ZNF277: variants seen among roughly 807,000 people sequenced by gnomAD.
The protein encoded by ZNF277 is zinc finger protein 277.
ZNF277 carries 55 observed loss-of-function variants against 60.7 expected under a neutral mutation model. The ratio of observed to expected loss-of-function variants is 0.91; its 90% CI spans 0.73 to 1.13. The LOEUF (loss-of-function observed/expected upper bound fraction) is 1.13, where lower values mean the gene tolerates loss of function less well. Among genes scored for constraint, ZNF277 ranks in the 50% most tolerant of loss-of-function variants. The pLI, the probability that ZNF277 is intolerant of heterozygous loss-of-function variation, is 0.00. For synonymous variants in ZNF277, 178 were observed against 179.3 expected (o/e 0.99, Z 0.06); for missense variants, 510 against 523.0 (o/e 0.98, Z 0.24).
At chr7:112,338,046 C>T (rs1031657196) in intron 9 of ZNF277, among the ~76,000 whole-genome samples, 7 of 152,222 alleles carry the variant, frequency 4.6e-5, no homozygotes, top group African/African-American at 1.7e-4. Context: ...TCTCAGACCA[C>T]TGATGCCATC....
chr7:112,293,450 G>A (rs10244575), intron 2 of ZNF277, among the ~76,000 whole-genome samples: 8,947 of 151,784 alleles, frequency 0.059, 700 homozygotes, highest in African/African-American at 0.18. Context: ...ATGGTGGTGC[G>A]TGCCTATAGT....
intron 1 of ZNF277, among the ~76,000 whole-genome samples, chr7:112,208,927 T>C (rs1427594291): frequency 6.6e-6 from 1 of 152,016 alleles, no homozygotes; most frequent in Admixed American, 6.6e-5. Flanking sequence ...GATCCGCCCG[T>C]CTCGGCCTCC....
intron 1 of ZNF277, among the ~76,000 whole-genome samples, chr7:112,216,934 G>C (rs137889289): frequency 6.6e-6 from 1 of 152,158 alleles, no homozygotes; most frequent in Non-Finnish European, 1.5e-5. Context: ...TTGATTATTA[G>C]GATGCATCCT....
chr7:112,282,356 G>A (rs1791966092), intron 1 of ZNF277, among the ~76,000 whole-genome samples: 1 of 152,142 alleles, frequency 6.6e-6, no homozygotes, highest in Non-Finnish European at 1.5e-5. Context: ...CTTATGTATC[G>A]GACATAAGAG....
At chr7:112,267,514 A>G (rs1791574623) in intron 1 of ZNF277, among the ~76,000 whole-genome samples, 1 of 152,234 alleles carries the variant, frequency 6.6e-6, no homozygotes, top group Non-Finnish European at 1.5e-5. Flanking sequence ...CAGAATTGAG[A>G]ATGAGAAAAG....
rs1277393779 is a variant in ZNF277 at position 112,343,627 on chromosome 7, A to G, written c.*898A>G. On this transcript the variant is annotated 3_prime_UTR_variant, in exon 12 of 12. Coordinates refer to ENST00000361822, the MANE Select transcript of ZNF277 (RefSeq NM_021994.3). ...CATAATTTGGATATAATGAAGAAAC[A>G]GTCAAATCCAAGTTTGAGGCTGGGC... Among the ~76,000 whole-genome samples, 1 of 152,182 alleles carries G rather than the reference A, an allele frequency of 6.6e-6. No individual in the cohort carries two copies. Among genetic ancestry groups the G allele is most frequent in the African/African-American group, 2.4e-5 (1 of 41,448 alleles).
At chr7:112,307,439 A>G (rs1584397169) in intron 4 of ZNF277, among the ~76,000 whole-genome samples, 1 of 151,790 alleles carries the variant, frequency 6.6e-6, no homozygotes, top group African/African-American at 2.4e-5. Context: ...TGTTTTTGAG[A>G]CAGTCTCACT....
chr7:112,212,829 TCA>T (rs1288197342), intron 1 of ZNF277, among the ~76,000 whole-genome samples: 1 of 152,162 alleles, frequency 6.6e-6, no homozygotes, highest in Non-Finnish European at 1.5e-5. Context: ...GTATCCTCTC[TCA>T]CTTCTATACA....
chr7:112,341,468 T>G (rs1429928988), intron 11 of ZNF277, among the ~76,000 whole-genome samples: 2 of 152,212 alleles, frequency 1.3e-5, no homozygotes, highest in African/African-American at 4.8e-5. Flanking sequence ...GCTATTATAA[T>G]GATACAGTGA....
chr7:112,341,153 AT>A, intron 11 of ZNF277, 107 bp downstream of exon 11: 1 of 1,075,578 alleles, frequency 9.3e-7, no homozygotes, highest in Non-Finnish European at 1.3e-6. Context: ...CATATTTATT[AT>A]AAAAAGTATA....
At chr7:112,327,241 T>G (rs1174654970) in intron 5 of ZNF277, among the ~76,000 whole-genome samples, 1 of 152,206 alleles carries the variant, frequency 6.6e-6, no homozygotes, top group Non-Finnish European at 1.5e-5. Context: ...CTGTTTTATC[T>G]CAGATCATCA....
chr7:112,248,701 T>A (rs552744952), intron 1 of ZNF277, among the ~76,000 whole-genome samples: 1 of 152,252 alleles, frequency 6.6e-6, no homozygotes, highest in East Asian at 1.9e-4. Context: ...TGCATTTTTT[T>A]AGTAGGATCA....
At chr7:112,281,494 C>T (rs930933078) in intron 1 of ZNF277, among the ~76,000 whole-genome samples, 1 of 152,124 alleles carries the variant, frequency 6.6e-6, no homozygotes, top group Non-Finnish European at 1.5e-5. Flanking sequence ...TTTAATATAA[C>T]ATACTTTTAT....
chr7:112,299,279 T>C (rs1309118777), intron 4 of ZNF277, among the ~76,000 whole-genome samples: 1 of 152,166 alleles, frequency 6.6e-6, no homozygotes, highest in African/African-American at 2.4e-5. Context: ...AAGAAGCATG[T>C]CCAGAAAGAA....
Position 112,342,861 on chromosome 7 carries a change from C to A in ZNF277, c.*132C>A. 1.5e-6 allele frequency: 1 copy of A among 668,820 alleles called. No homozygotes were observed. The highest frequency in any genetic ancestry group is 3.4e-5 in the East Asian group (1 of 29,220). 41.4% of individuals were successfully genotyped at this position (668,820 alleles called of 1,614,324 possible). On this transcript the variant is annotated 3_prime_UTR_variant, in exon 12 of 12. Coordinates refer to ENST00000361822, the MANE Select transcript of ZNF277 (RefSeq NM_021994.3). ...TTGGTCCTTGGTGAAATAAACTTTT[C>A]AAAAATGAATGTTCTTTTCAAAAAA...
chr7:112,226,351 A>G (rs2116970167), intron 1 of ZNF277, among the ~76,000 whole-genome samples: 1 of 152,310 alleles, frequency 6.6e-6, no homozygotes, highest in Non-Finnish European at 1.5e-5. Context: ...CCTTTAAGGA[A>G]CATTTTCTCC....
Position 112,327,820 on chromosome 7 carries a change from C to T in ZNF277, c.661C>T (p.Leu221Phe). ...ATTTTTGTGTACATTACAGAAAAAG[C>T]TTGACAAGTAAGTACTGATTTATGA... ...NEFLCTLQKK[L>F]DNLQCLYCEK... Residue 221 changes from leucine to phenylalanine, a missense_variant, in exon 6 of 12, where the codon CTT (leucine) becomes TTT (phenylalanine). Leu to Phe is a conservative substitution (Grantham distance 22, BLOSUM62 0). Coordinates refer to ENST00000361822, the MANE Select transcript of ZNF277 (RefSeq NM_021994.3). The T allele has an allele frequency of 6.2e-7, 1 of 1,605,326 alleles. No individual in the cohort carries two copies. Among genetic ancestry groups the T allele is most frequent in the Non-Finnish European group, 8.5e-7 (1 of 1,175,506 alleles).
chr7:112,234,717 C>T (rs1822440669), intron 1 of ZNF277, among the ~76,000 whole-genome samples: 1 of 151,888 alleles, frequency 6.6e-6, no homozygotes. Context: ...AAAATGATAT[C>T]CTACATGACT....
chr7:112,296,931 T>TA (rs1563219797), intron 4 of ZNF277, among the ~76,000 whole-genome samples: 32 of 84,048 alleles, frequency 3.8e-4, no homozygotes, highest in Non-Finnish European at 5.7e-4. Context: ...TTTTTTTTTT[T>TA]TTTTTTTTTT....
Sources: gnomAD v4.1 joint callset for allele counts (sites outside exome capture counted in the v4.1 genomes callset) on GRCh38, gnomAD v4.1.1 for gene constraint, MANE v1.5 for transcripts, NCBI Gene and HGNC (gene_info 2026-07-23, HGNC 2026-07-21) for gene names.